The following PCDH15 variants were observed in gnomAD, a reference collection of about 807,000 sequenced individuals.
PCDH15 encodes protocadherin-15.
PCDH15 carries 129 observed loss-of-function variants against 178.5 expected under a neutral mutation model. The ratio of observed to expected loss-of-function variants is 0.72; its 90% CI spans 0.63 to 0.84. The LOEUF (loss-of-function observed/expected upper bound fraction) is 0.84. PCDH15 is among the 40% of genes least tolerant of loss of function. The pLI is 0.00. For synonymous variants in PCDH15, 800 were observed against 732.0 expected (o/e 1.09, Z -1.50); for missense variants, 2,230 against 2,099.9 (o/e 1.06, Z -1.21).
chr10:55,170,317 T>TAA, intron 1 of PCDH15, among the ~76,000 whole-genome samples: 1 of 147,688 alleles, frequency 6.8e-6, no homozygotes, highest in South Asian at 2.1e-4. Flanking sequence ...ATTGGCTATT[T>TAA]AAAAAAAAAA....
At chr10:55,289,789 A>C (rs546235793) in intron 1 of PCDH15, among the ~76,000 whole-genome samples, 1 of 152,210 alleles carries the variant, frequency 6.6e-6, no homozygotes, top group Non-Finnish European at 1.5e-5. Context: ...GTCTTTTAAG[A>C]GATGATAGGG....
chr10:55,200,761 T>C (rs1379482633), intron 1 of PCDH15, among the ~76,000 whole-genome samples: 1 of 151,880 alleles, frequency 6.6e-6, no homozygotes, highest in Admixed American at 6.6e-5. Context: ...CTGATGAGAG[T>C]GAGTTCTCAT....
chr10:54,257,045 T>C (rs1485820210), intron 8 of PCDH15, among the ~76,000 whole-genome samples: 1 of 130,530 alleles, frequency 7.7e-6, no homozygotes, highest in African/African-American at 2.8e-5. Flanking sequence ...TCTCTCTCGA[T>C]AGATTAGATA....
intron 2 of PCDH15, among the ~76,000 whole-genome samples, chr10:55,491,105 A>G (rs1284521613): frequency 6.6e-6 from 1 of 151,844 alleles, no homozygotes; most frequent in Non-Finnish European, 1.5e-5. Flanking sequence ...TTGGCATTTC[A>G]GTCACAATCT....
chr10:54,726,246 T>C (rs1307860811), intron 1 of PCDH15, among the ~76,000 whole-genome samples: 1 of 151,576 alleles, frequency 6.6e-6, no homozygotes, highest in Non-Finnish European at 1.5e-5. Context: ...AAGACACACA[T>C]TCCACAGAAA....
chr10:54,881,531 C>A (rs989505626), intron 3 of PCDH15, among the ~76,000 whole-genome samples: 1 of 151,836 alleles, frequency 6.6e-6, no homozygotes, highest in Non-Finnish European at 1.5e-5. Context: ...ACAAAAAGAC[C>A]TTTTGTTTTT....
rs111926767 is a variant in PCDH15 at position 54,444,644 on chromosome 10, G to A, written c.158-65702C>T. ...AAAACACTCATAAACTAGCACAGAAGCTTGTCATATCATTACACATTTATC... is the reference window on the plus strand; with the variant it reads ...AAAACACTCATAAACTAGCACAGAAACTTGTCATATCATTACACATTTATC... On this transcript the variant is annotated intron_variant, in intron 3 of 37. Coordinates refer to ENST00000644397, the MANE Select transcript of PCDH15 (RefSeq NM_001384140.1). 5.8e-3 allele frequency among the ~76,000 whole-genome samples: 881 copies of A among 151,728 alleles called. 5 individuals carry two copies. The highest frequency in any genetic ancestry group is 0.019 in the African/African-American group (799 of 41,464).
rs551952752 is a variant in PCDH15 at position 53,885,663 on chromosome 10, C to A, written c.3501+17580G>T. Among the ~76,000 whole-genome samples, 16 of 152,242 alleles carry A rather than the reference C, an allele frequency of 1.1e-4. No homozygotes were observed. The South Asian group carries it at 2.7e-3, about 26-fold the overall frequency. On this transcript the variant is annotated intron_variant, in intron 26 of 37. Transcript: ENST00000644397. ...AACATGGTGCTAAGATAATACTACT[C>A]ATTTAAAACATATAAATATGCCTCA...
intron 2 of PCDH15, among the ~76,000 whole-genome samples, chr10:54,632,131 C>G (rs1206572911): frequency 6.6e-6 from 1 of 152,082 alleles, no homozygotes; most frequent in African/African-American, 2.4e-5. Flanking sequence ...TCCCTTACAG[C>G]AACATGGATG....
intron 2 of PCDH15, among the ~76,000 whole-genome samples, chr10:55,472,109 T>G (rs1839968445): frequency 6.6e-6 from 1 of 152,190 alleles, no homozygotes; most frequent in Non-Finnish European, 1.5e-5. Context: ...TACAACCTAC[T>G]GTTTGTCTCC....
chr10:53,905,328 A>G (rs1381935428), intron 25 of PCDH15: 4 of 454,710 alleles, frequency 8.8e-6, no homozygotes, highest in South Asian at 1.6e-5. Flanking sequence ...TCATATGTAC[A>G]TTTTTTTCTT....
At chr10:53,827,668 A>G (rs1198840890) in intron 31 of PCDH15, 120 bp from the exon 32 acceptor site, 1 of 1,155,624 alleles carries the variant, frequency 8.7e-7, no homozygotes, top group Non-Finnish European at 1.3e-6. Flanking sequence ...TATTTTACAC[A>G]AACATCAATT....
rs2135283149 is a variant in PCDH15 at position 54,020,291 on chromosome 10, TG to T, written c.2651del (p.Ala884AspfsTer13). 1 of 1,613,784 alleles carries T rather than the reference TG, an allele frequency of 6.2e-7. No homozygotes were observed. The highest frequency in any genetic ancestry group is 1.3e-5 in the African/African-American group (1 of 75,006). ...TGATACTTGCTTCTTGGTCTGGAAATGCCTCATAATCTAAACTCCTTAAAAG... is the reference window on the plus strand; with the variant it reads ...TGATACTTGCTTCTTGGTCTGGAAATCCTCATAATCTAAACTCCTTAAAAG... Reference protein sequence around the residue: ...LSLLRSLDYEAFPDQEASITF... With the variant: ...LSLLRSLDYEXFPDQEASITF... On this transcript the variant is annotated frameshift_variant, in exon 20 of 38. Coordinates refer to ENST00000644397, the MANE Select transcript of PCDH15 (RefSeq NM_001384140.1). LOFTEE classifies it high-confidence loss of function.
intron 3 of PCDH15, among the ~76,000 whole-genome samples, chr10:54,448,618 A>G (rs1194446869): frequency 6.6e-6 from 1 of 151,738 alleles, no homozygotes; most frequent in Non-Finnish European, 1.5e-5. Flanking sequence ...TATGGAAAAC[A>G]TTAAAAAAAG....
chr10:54,744,528 A>T lies in PCDH15; in HGVS notation c.-29+56397T>A, dbSNP rs73266148. Among the ~76,000 whole-genome samples the T allele has an allele frequency of 3.5e-3, 536 of 152,278 alleles. 5 individuals carry two copies. The highest frequency in any genetic ancestry group is 0.013 in the African/African-American group (521 of 41,584). On this transcript the variant is annotated intron_variant, in intron 1 of 37. Coordinates refer to ENST00000644397, the MANE Select transcript of PCDH15 (RefSeq NM_001384140.1). ...AACAAAACTCATCATATTTCATTAC[A>T]GCATGTGGAAATTGTGAAGTATCTT... is the stretch of plus-strand genomic sequence containing the variant.
chr10:55,540,576 C>A (rs984397082), intron 2 of PCDH15, among the ~76,000 whole-genome samples: 1 of 151,966 alleles, frequency 6.6e-6, no homozygotes, highest in Non-Finnish European at 1.5e-5. Context: ...ATAAAGGGAT[C>A]TTAAGAAGTA....
intron 15 of PCDH15, among the ~76,000 whole-genome samples, chr10:54,127,667 C>A (rs1471911923): frequency 6.6e-6 from 1 of 151,932 alleles, no homozygotes; most frequent in African/African-American, 2.4e-5. Context: ...AAATCTTTTC[C>A]TTTTTCTTGC....
chr10:53,959,115 GGT>G (rs1173920772), intron 23 of PCDH15, among the ~76,000 whole-genome samples: 1 of 146,954 alleles, frequency 6.8e-6, no homozygotes, highest in Non-Finnish European at 1.5e-5. Context: ...ATATAATATT[GGT>G]GTATATGCAT....
intron 2 of PCDH15, among the ~76,000 whole-genome samples, chr10:54,905,957 T>C (rs1038864643): frequency 2.0e-5 from 3 of 152,118 alleles, no homozygotes; most frequent in African/African-American, 7.2e-5. Flanking sequence ...TTGGTTAATC[T>C]CATTTGGCCT....
Sources: allele counts gnomAD v4.1 joint callset (sites outside exome capture counted in the v4.1 genomes callset), GRCh38; gene constraint gnomAD v4.1.1; transcripts MANE v1.5; gene names NCBI Gene and HGNC (gene_info 2026-07-23, HGNC 2026-07-21).